Variants in FAAH2 observed in about 807,000 individuals in gnomAD.
FAAH2 encodes fatty acid amide hydrolase 2.
In FAAH2, 60 loss-of-function variants were observed where a neutral mutation model predicts 36.9. The ratio of observed to expected loss-of-function variants is 1.63; its 90% CI spans 1.32 to 2.02. The LOEUF (loss-of-function observed/expected upper bound fraction) is 2.02, where lower values mean the gene tolerates loss of function less well. Ranked by LOEUF, FAAH2 falls within the 30% of genes most tolerant of loss-of-function variation. The pLI, the probability that FAAH2 is intolerant of heterozygous loss-of-function variation, is 0.00. For missense variants in FAAH2, 689 were observed against 397.5 expected, an observed-to-expected ratio of 1.73 and a Z score of -6.23; for synonymous variants, 214 against 143.8, an observed-to-expected ratio of 1.49 and a Z score of -3.49.
chrX:57,415,326 A>G (rs964419661), intron 7 of FAAH2, among the ~76,000 whole-genome samples: 52 of 111,263 alleles, frequency 4.7e-4, no homozygotes, highest in African/African-American at 1.7e-3. Context: ...TAGGGTGTCG[A>G]TTTTAGATCT....
intron 8 of FAAH2, among the ~76,000 whole-genome samples, chrX:57,438,582 C>CT (rs1350562554): frequency 9.1e-6 from 1 of 110,012 alleles, no homozygotes; most frequent in East Asian, 2.9e-4. Context: ...AGAAAACATT[C>CT]TTTTTTTATT....
chrX:57,347,250 G>A (rs547606152), intron 5 of FAAH2, among the ~76,000 whole-genome samples: 19 of 111,862 alleles, frequency 1.7e-4, no homozygotes, highest in African/African-American at 5.8e-4. Context: ...TGGAGGTTTT[G>A]TATATTGTTC....
intron 3 of FAAH2, among the ~76,000 whole-genome samples, chrX:57,311,325 T>C (rs1326467401): frequency 8.9e-6 from 1 of 112,303 alleles, no homozygotes; most frequent in African/African-American, 3.2e-5. Flanking sequence ...AAAAGAAAGA[T>C]TTAAAATCAG....
At chrX:57,217,462 G>A in the FAAH2 span, among the ~76,000 whole-genome samples, 2 of 111,817 alleles carry the variant, frequency 1.8e-5, no homozygotes, top group African/African-American at 6.5e-5. Context: ...TTTTGAATAA[G>A]GTGAGAGATG....
At chrX:57,261,524 G>C in the FAAH2 span, among the ~76,000 whole-genome samples, 1 of 84,938 alleles carries the variant, frequency 1.2e-5, no homozygotes, top group East Asian at 3.5e-4. Context: ...TTGCACTCTA[G>C]CCTGGGCAAC....
chrX:57,363,843 T>C (rs757871409), intron 5 of FAAH2, among the ~76,000 whole-genome samples: 28 of 110,919 alleles, frequency 2.5e-4, no homozygotes, highest in Non-Finnish European at 4.3e-4. Context: ...TTAAAGGAAA[T>C]CTGTTTATGT....
At chrX:57,380,057 C>T (rs112651540) in intron 6 of FAAH2, among the ~76,000 whole-genome samples, 1,728 of 110,838 alleles carry the variant, frequency 0.016, 21 homozygotes, top group Non-Finnish European at 0.023. Context: ...GCATAATAAT[C>T]GCTTCATGGA....
chrX:57,461,691 A>G (rs1338065211), intron 10 of FAAH2, among the ~76,000 whole-genome samples: 2 of 111,256 alleles, frequency 1.8e-5, no homozygotes, highest in African/African-American at 6.5e-5. Context: ...TGCCAAAATC[A>G]GAAAGGGAGA....
chrX:57,359,019 CTCT>C (rs1240473653), intron 5 of FAAH2, among the ~76,000 whole-genome samples: 1 of 110,960 alleles, frequency 9.0e-6, no homozygotes, highest in African/African-American at 3.3e-5. Flanking sequence ...AGCATTTATC[CTCT>C]TCTTGTGTTA....
the FAAH2 span, chrX:57,126,838 C>A: frequency 5.4e-5 from 6 of 111,733 alleles, no homozygotes; most frequent in African/African-American, 2.0e-4. Flanking sequence ...AAAATCTTTA[C>A]TCTTAAGAAA....
chrX:57,396,475 A>G (rs1484583634), intron 7 of FAAH2, among the ~76,000 whole-genome samples: 1 of 107,964 alleles, frequency 9.3e-6, no homozygotes, highest in Non-Finnish European at 1.9e-5. Context: ...ATTTAATGCC[A>G]TGATTTTTCC....
At chrX:57,394,574 G>A (rs749749349) in intron 7 of FAAH2, 102 of 1,201,139 alleles carry the variant, frequency 8.5e-5, no homozygotes, top group Non-Finnish European at 1.1e-4. Flanking sequence ...GAAACGCTTG[G>A]CACTCTCTAC....
At chrX:57,399,825 C>G (rs1255270289) in intron 7 of FAAH2, among the ~76,000 whole-genome samples, 1 of 112,129 alleles carries the variant, frequency 8.9e-6, no homozygotes, top group Non-Finnish European at 1.9e-5. Flanking sequence ...CTTTTCCTTT[C>G]TCCTAATTCT....
At chrX:57,234,535 G>A in the FAAH2 span, among the ~76,000 whole-genome samples, 1 of 111,317 alleles carries the variant, frequency 9.0e-6, no homozygotes, top group Non-Finnish European at 1.9e-5. Flanking sequence ...AGAATCAGTG[G>A]GATGCCTGAG....
chrX:57,278,458 C>A, the FAAH2 span, among the ~76,000 whole-genome samples: 50 of 111,155 alleles, frequency 4.5e-4, no homozygotes, highest in Non-Finnish European at 7.6e-4. Flanking sequence ...AATGCTAGAC[C>A]TAAAACCATA....
At chrX:57,313,144 C>A (rs760159685) in intron 3 of FAAH2, among the ~76,000 whole-genome samples, 41 of 50,853 alleles carry the variant, frequency 8.1e-4, no homozygotes, top group Middle Eastern at 8.3e-3. Context: ...AATCCAATCC[C>A]AGAGCTTGAA....
chrX:57,188,586 G>A, the FAAH2 span, among the ~76,000 whole-genome samples: 7 of 109,777 alleles, frequency 6.4e-5, no homozygotes, highest in South Asian at 1.6e-3. Flanking sequence ...GTTATTTCTC[G>A]TCTTCTGCTA....
chrX:57,134,126 GAC>G, the FAAH2 span, among the ~76,000 whole-genome samples: 1 of 111,772 alleles, frequency 8.9e-6, no homozygotes, highest in African/African-American at 3.3e-5. Context: ...GAAAGAGAAA[GAC>G]ACAGATCTAT....
At chrX:57,361,545 T>C (rs575789925) in intron 5 of FAAH2, among the ~76,000 whole-genome samples, 2 of 112,092 alleles carry the variant, frequency 1.8e-5, no homozygotes, top group African/African-American at 6.4e-5. Flanking sequence ...ATTTACTTAT[T>C]GTTTGCTCCA....
Sources: gnomAD v4.1 joint callset for allele counts (sites outside exome capture counted in the v4.1 genomes callset) on GRCh38, gnomAD v4.1.1 for gene constraint, MANE v1.5 for transcripts, NCBI Gene and HGNC (gene_info 2026-07-23, HGNC 2026-07-21) for gene names.